Variants in ASCC3 observed in about 807,000 individuals in gnomAD.
ASCC3 encodes ASC-1 complex subunit P200.
Under a neutral mutation model 256.3 loss-of-function variants are expected in ASCC3, and 158 were observed. The ratio of observed to expected loss-of-function variants is 0.62; its 90% CI spans 0.54 to 0.70. ASCC3 has a LOEUF of 0.70. Among genes scored for constraint, ASCC3 ranks in the 30% least tolerant of loss-of-function variants. The pLI is 0.00. For missense variants in ASCC3, 2,259 were observed against 2,626.0 expected, an observed-to-expected ratio of 0.86 and a Z score of 3.05; for synonymous variants, 948 against 883.4, an observed-to-expected ratio of 1.07 and a Z score of -1.30.
chr6:100,765,346 C>T (rs9498345), intron 10 of ASCC3, among the ~76,000 whole-genome samples: 2,943 of 152,192 alleles, frequency 0.019, 87 homozygotes, highest in African/African-American at 0.068. Flanking sequence ...CAGGACATGC[C>T]TCATTATACT....
rs372813932 is a variant in ASCC3, at chr6:100,758,708, G to A, written c.1737+7857C>T. Reference sequence around the variant, plus strand: ...TGCTGCAATAAAGATGCGTGTGTATGTGTCTTTATAGTAGAATGATTTCTA... The same window carrying A: ...TGCTGCAATAAAGATGCGTGTGTATATGTCTTTATAGTAGAATGATTTCTA... On this transcript the variant is annotated intron_variant, in intron 10 of 41. Coordinates refer to ENST00000369162, the MANE Select transcript of ASCC3 (RefSeq NM_006828.4). Among the ~76,000 whole-genome samples, 7 of 152,176 alleles carry A rather than the reference G, an allele frequency of 4.6e-5. No individual in the cohort carries two copies. The East Asian group carries it at 1.2e-3, about 25-fold the overall frequency.
chr6:100,842,611 A>C (rs1772198548), intron 4 of ASCC3, among the ~76,000 whole-genome samples: 1 of 152,144 alleles, frequency 6.6e-6, no homozygotes, highest in Non-Finnish European at 1.5e-5. Flanking sequence ...GATTTTCGAA[A>C]ATAGTTATTT....
At chr6:100,548,081 A>G (rs756100211) in intron 36 of ASCC3, among the ~76,000 whole-genome samples, 2 of 151,838 alleles carry the variant, frequency 1.3e-5, no homozygotes, top group African/African-American at 2.4e-5. Flanking sequence ...GATTTCATTT[A>G]TATCCTACTC....
intron 37 of ASCC3, among the ~76,000 whole-genome samples, chr6:100,525,395 T>C (rs1459399010): frequency 6.6e-6 from 1 of 151,780 alleles, no homozygotes; most frequent in African/African-American, 2.4e-5. Context: ...CAAAACACTA[T>C]GGAAAGATCA....
intron 39 of ASCC3, among the ~76,000 whole-genome samples, chr6:100,513,533 A>AT (rs1773882002): frequency 6.6e-6 from 1 of 152,098 alleles, no homozygotes; most frequent in Non-Finnish European, 1.5e-5. Flanking sequence ...CTTATTGTAC[A>AT]TTTTTTGGCC....
At chr6:100,789,456 G>A (rs183752608) in intron 8 of ASCC3, among the ~76,000 whole-genome samples, 2 of 151,956 alleles carry the variant, frequency 1.3e-5, no homozygotes, top group East Asian at 3.9e-4. Flanking sequence ...CATTTGCCAG[G>A]GGGAAATAGT....
chr6:100,589,915 T>A, intron 35 of ASCC3, 33 bp downstream of exon 35: 1 of 1,599,944 alleles, frequency 6.3e-7, no homozygotes, highest in Non-Finnish European at 8.6e-7. Flanking sequence ...CTGGGCAATC[T>A]TTTCAATTAG....
chr6:100,800,229 TAA>T, intron 6 of ASCC3, 69 bp downstream of exon 6: 1 of 1,522,390 alleles, frequency 6.6e-7, no homozygotes, highest in East Asian at 2.3e-5. Context: ...AAGACTAAAC[TAA>T]AAAGTGATAA....
intron 8 of ASCC3, among the ~76,000 whole-genome samples, chr6:100,798,119 G>A (rs1769724384): frequency 6.6e-6 from 1 of 152,004 alleles, no homozygotes; most frequent in Non-Finnish European, 1.5e-5. Context: ...AAAAACCACA[G>A]CAACTTAATT....
intron 3 of ASCC3, among the ~76,000 whole-genome samples, chr6:100,851,507 A>C (rs548525480): frequency 1.3e-5 from 2 of 152,352 alleles, no homozygotes; most frequent in African/African-American, 4.8e-5. Flanking sequence ...GTTTGAAGAG[A>C]AAATAATTGT....
intron 3 of ASCC3, among the ~76,000 whole-genome samples, 160 bp downstream of exon 3, chr6:100,863,904 T>C (rs909482301): frequency 1.3e-5 from 2 of 152,168 alleles, no homozygotes; most frequent in Non-Finnish European, 2.9e-5. Flanking sequence ...GTTACATGCA[T>C]GAGCCACCGC....
intron 7 of ASCC3, 46 bp downstream of exon 7, chr6:100,799,385 T>C (rs1769797646): frequency 1.3e-6 from 2 of 1,598,092 alleles, no homozygotes; most frequent in Admixed American, 1.7e-5. Flanking sequence ...ATCATTTCTT[T>C]AGAATAGACA....
chr6:100,749,694 GAAC>G (rs1033167794), intron 10 of ASCC3, among the ~76,000 whole-genome samples: 1 of 151,736 alleles, frequency 6.6e-6, no homozygotes, highest in Non-Finnish European at 1.5e-5. Flanking sequence ...AATTATCTAA[GAAC>G]AATAGGTAGT....
At chr6:100,524,782 T>C (rs1006267575) in intron 37 of ASCC3, among the ~76,000 whole-genome samples, 14 of 152,116 alleles carry the variant, frequency 9.2e-5, no homozygotes. Context: ...ATGTTCTCTC[T>C]TCCTCCTCCC....
At chr6:100,792,570 C>T (rs963147259) in intron 8 of ASCC3, among the ~76,000 whole-genome samples, 3 of 151,864 alleles carry the variant, frequency 2.0e-5, no homozygotes, top group African/African-American at 7.3e-5. Context: ...TTAATTATTG[C>T]TAGTGCTATA....
intron 13 of ASCC3, among the ~76,000 whole-genome samples, chr6:100,687,612 T>C (rs1777644653): frequency 6.6e-6 from 1 of 152,086 alleles, no homozygotes; most frequent in Non-Finnish European, 1.5e-5. Context: ...ATATTCATAA[T>C]ATACTATGGT....
At chr6:100,647,796 C>T (rs758849416) in intron 20 of ASCC3, among the ~76,000 whole-genome samples, 143 of 151,752 alleles carry the variant, frequency 9.4e-4, no homozygotes, top group Non-Finnish European at 1.7e-3. Context: ...GAGACAAGGA[C>T]GCCTCTTGGT....
chr6:100,517,853 C>T, intron 38 of ASCC3, 138 bp downstream of exon 38: 3 of 967,242 alleles, frequency 3.1e-6, no homozygotes. Context: ...TTGGCCATGT[C>T]TCACTCTGGG....
chr6:100,850,046 G>A (rs777217634), intron 3 of ASCC3, among the ~76,000 whole-genome samples: 2 of 140,504 alleles, frequency 1.4e-5, no homozygotes, highest in Non-Finnish European at 3.0e-5. Flanking sequence ...GTTGCAGTGA[G>A]CAGAGATAGC....
Sources: allele counts gnomAD v4.1 joint callset (sites outside exome capture counted in the v4.1 genomes callset), GRCh38; gene constraint gnomAD v4.1.1; transcripts MANE v1.5; gene names NCBI Gene and HGNC (gene_info 2026-07-23, HGNC 2026-07-21).